Variants in ZFPM2 observed in about 807,000 individuals in gnomAD.
The protein encoded by ZFPM2 is zinc finger protein ZFPM2.
A neutral mutation model predicts 98.6 loss-of-function variants in ZFPM2; 20 were observed. The ratio of observed to expected loss-of-function variants is 0.20; its 90% CI spans 0.14 to 0.29. The LOEUF (loss-of-function observed/expected upper bound fraction) is 0.29. ZFPM2 is among the 10% of genes least tolerant of loss of function. The pLI is 1.00. For missense variants in ZFPM2, 1,310 were observed against 1,388.6 expected (o/e 0.94, Z 0.90); for synonymous variants, 518 against 502.7 (o/e 1.03, Z -0.41).
At chr8:105,471,076 ATTCC>A (rs1812894039) in intron 3 of ZFPM2, among the ~76,000 whole-genome samples, 1 of 152,126 alleles carries the variant, frequency 6.6e-6, no homozygotes, top group South Asian at 2.1e-4. Context: ...GTTTCTGACT[ATTCC>A]TTTAACTTTT....
At chr8:105,472,400 G>A (rs1378230594) in intron 3 of ZFPM2, among the ~76,000 whole-genome samples, 2 of 152,200 alleles carry the variant, frequency 1.3e-5, no homozygotes, top group Non-Finnish European at 1.5e-5. Context: ...TGAATCATTA[G>A]TTCTGATAAG....
intron 3 of ZFPM2, among the ~76,000 whole-genome samples, chr8:105,511,716 A>C (rs932712219): frequency 6.6e-6 from 1 of 152,214 alleles, no homozygotes; most frequent in African/African-American, 2.4e-5. Flanking sequence ...TAGAGGAAAA[A>C]AGCCTTTCTT....
At chr8:105,623,779 C>T (rs1441881871) in intron 4 of ZFPM2, among the ~76,000 whole-genome samples, 1 of 152,098 alleles carries the variant, frequency 6.6e-6, no homozygotes, top group Non-Finnish European at 1.5e-5. Context: ...ACAGGGCATT[C>T]ACAGTTGAGT....
At chr8:105,570,211 C>T (rs920379469) in intron 4 of ZFPM2, among the ~76,000 whole-genome samples, 4 of 152,102 alleles carry the variant, frequency 2.6e-5, no homozygotes, top group Non-Finnish European at 5.9e-5. Flanking sequence ...TCAAAGAAGA[C>T]TTGAAGGCAA....
At chr8:105,597,478 G>T (rs1166136118) in intron 4 of ZFPM2, among the ~76,000 whole-genome samples, 2 of 152,038 alleles carry the variant, frequency 1.3e-5, no homozygotes, top group African/African-American at 2.4e-5. Flanking sequence ...TCATGAACAT[G>T]CCATGTACCT....
At chr8:105,660,894 A>C (rs1354946011) in intron 5 of ZFPM2, among the ~76,000 whole-genome samples, 1 of 152,196 alleles carries the variant, frequency 6.6e-6, no homozygotes, top group Non-Finnish European at 1.5e-5. Flanking sequence ...CAGACACAAA[A>C]TAAATGACAA....
At chr8:105,520,850 A>G (rs1249443494) in intron 3 of ZFPM2, among the ~76,000 whole-genome samples, 1 of 146,148 alleles carries the variant, frequency 6.8e-6, no homozygotes, top group East Asian at 1.9e-4. Flanking sequence ...TATATGGACA[A>G]TTTTAGAGAG....
At chr8:105,521,905 A>G (rs1369589884) in intron 3 of ZFPM2, among the ~76,000 whole-genome samples, 1 of 152,192 alleles carries the variant, frequency 6.6e-6, no homozygotes, top group Non-Finnish European at 1.5e-5. Flanking sequence ...CAGGAAAAAA[A>G]TAAGGAAGAA....
intron 1 of ZFPM2, among the ~76,000 whole-genome samples, chr8:105,374,857 G>A (rs1448277902): frequency 6.6e-6 from 1 of 151,920 alleles, no homozygotes; most frequent in African/African-American, 2.4e-5. Context: ...ATTCTTTGTA[G>A]GGTAGCTCCA....
intron 3 of ZFPM2, among the ~76,000 whole-genome samples, chr8:105,516,790 G>C (rs1813931831): frequency 6.6e-6 from 1 of 152,170 alleles, no homozygotes; most frequent in South Asian, 2.1e-4. Context: ...AAAGCAGACT[G>C]TGTGTCCAGC....
At chr8:105,459,771 A>G (rs115772124) in intron 3 of ZFPM2, among the ~76,000 whole-genome samples, 233 of 152,190 alleles carry the variant, frequency 1.5e-3, no homozygotes, top group African/African-American at 5.4e-3. Context: ...TTTAACCACA[A>G]TTACCTCCTT....
intron 1 of ZFPM2, among the ~76,000 whole-genome samples, chr8:105,412,143 C>G (rs137887454): frequency 6.6e-6 from 1 of 151,754 alleles, no homozygotes; most frequent in African/African-American, 2.4e-5. Flanking sequence ...AAGAATATTA[C>G]TCCATTTTTA....
At position 105,639,086 on chromosome 8, in the gene ZFPM2, G is replaced by C. The variant is rs184804675; in HGVS notation, c.532+4729G>C. Among the ~76,000 whole-genome samples the C allele has an allele frequency of 8.8e-4, 134 of 152,130 alleles. No homozygotes were observed. In the Middle Eastern group the frequency reaches 0.01, roughly 12 times the overall value. On this transcript the variant is annotated intron_variant, in intron 5 of 7. Transcript: ENST00000407775. ...GATAAATACTAAAAAGCATAATGCTGAAGTTAAAAGGAGCTCTGCTGGAGA... is the reference window on the plus strand; with the variant it reads ...GATAAATACTAAAAAGCATAATGCTCAAGTTAAAAGGAGCTCTGCTGGAGA...
At position 105,802,866 on chromosome 8, in the gene ZFPM2, T is replaced by A. The variant is rs1167068806; in HGVS notation, c.2784T>A (p.Asn928Lys). The A allele has an allele frequency of 1.2e-6, 2 of 1,613,746 alleles. No homozygotes were observed. Among genetic ancestry groups the A allele is most frequent in the South Asian group, 2.2e-5 (2 of 91,040 alleles). ...KNGNLKQPSP[N>K]GNLFSSHLAT... ...GGAATTTGAAGCAGCCTTCCCCCAA[T>A]GGAAACTTATTTTCATCCCACCTAG... The change falls in exon 8 of 8, where the codon AAT becomes AAA. Residue 928 changes from asparagine (N) to lysine (K), a missense_variant. By Grantham distance (94) the Asn-to-Lys change is moderately conservative (BLOSUM62 0). Transcript: ENST00000407775.
intron 5 of ZFPM2, among the ~76,000 whole-genome samples, chr8:105,642,035 G>A (rs1255038848): frequency 2.6e-5 from 4 of 152,052 alleles, no homozygotes; most frequent in African/African-American, 9.7e-5. Flanking sequence ...TCTTTGAGAG[G>A]TGACTCACTG....
In ZFPM2 at chr8:105,722,886, A is replaced by G. The variant is rs563097777; in HGVS notation, c.533-65832A>G. 7.9e-5 allele frequency among the ~76,000 whole-genome samples: 12 copies of G among 151,966 alleles called. No individual in the cohort carries two copies. The South Asian group carries it at 2.3e-3, about 29-fold the overall frequency. Reference sequence around the variant, plus strand: ...CTAAAAATGTTTCTGTATTATACCAATCCTTCTTCCACTTTTTGTTTTAGT... The same window carrying G: ...CTAAAAATGTTTCTGTATTATACCAGTCCTTCTTCCACTTTTTGTTTTAGT... On this transcript the variant is annotated intron_variant, in intron 5 of 7. Coordinates refer to ENST00000407775, the MANE Select transcript of ZFPM2 (RefSeq NM_012082.4).
At chr8:105,719,332 T>C (rs531292070) in intron 5 of ZFPM2, among the ~76,000 whole-genome samples, 1 of 151,798 alleles carries the variant, frequency 6.6e-6, no homozygotes, top group Non-Finnish European at 1.5e-5. Flanking sequence ...TTGTAAGTGA[T>C]ACAAAAAGTA....
intron 1 of ZFPM2, among the ~76,000 whole-genome samples, chr8:105,345,542 T>G (rs1454664983): frequency 6.6e-6 from 1 of 150,746 alleles, no homozygotes; most frequent in East Asian, 2.0e-4. Flanking sequence ...TCAAGGGAAG[T>G]TCATGCTTCC....
chr8:105,709,650 G>A (rs1811335140), intron 5 of ZFPM2, among the ~76,000 whole-genome samples: 1 of 151,988 alleles, frequency 6.6e-6, no homozygotes, highest in African/African-American at 2.4e-5. Context: ...ACTGAGAGTA[G>A]GTCAGTGATA....
Sources: gnomAD v4.1 joint callset for allele counts (sites outside exome capture counted in the v4.1 genomes callset) on GRCh38, gnomAD v4.1.1 for gene constraint, MANE v1.5 for transcripts, NCBI Gene and HGNC (gene_info 2026-07-23, HGNC 2026-07-21) for gene names.